CSMD1: variants seen among roughly 807,000 people sequenced by gnomAD.
CSMD1 encodes CUB and Sushi multiple domains 1, also known as CUB and sushi domain-containing protein 1.
In CSMD1, 213 loss-of-function variants were observed where a neutral mutation model predicts 417.5. That is an observed-to-expected ratio of 0.51 (90% CI 0.46 to 0.57). CSMD1 has a LOEUF of 0.57. CSMD1 is among the 20% of genes least tolerant of loss of function. The pLI, the probability that CSMD1 is intolerant of heterozygous loss-of-function variation, is 0.00. For missense variants in CSMD1, 6,923 were observed against 4,529.7 expected (o/e 1.53, Z -15.17); for synonymous variants, 2,862 against 1,736.8 (o/e 1.65, Z -16.11).
intron 30 of CSMD1, among the ~76,000 whole-genome samples, chr8:3,213,857 C>CAT (rs34087160): frequency 0.21 from 31,041 of 145,752 alleles, 3,295 homozygotes; most frequent in South Asian, 0.32. Context: ...TATACATACA[C>CAT]ATATATATAT....
chr8:4,625,697 G>A (rs898373889), intron 2 of CSMD1, among the ~76,000 whole-genome samples: 8 of 151,950 alleles, frequency 5.3e-5, no homozygotes, highest in African/African-American at 1.2e-4. Context: ...AATGATTATC[G>A]TATCCGTAAC....
Position 3,107,731 on chromosome 8 carries a change from A to T in CSMD1, c.6822T>A (p.Asp2274Glu). Residue 2274 changes from aspartate to glutamate, a missense_variant, in exon 45 of 70, where the codon GAT becomes GAA. Transcript: ENST00000635120. ...VPQAEMLTED[D>E]DFEIGDFVKY... ...AGAAAGTATTACCTATTTCGAAATCATCATCCTCAGTAAGCATTTCTGCCT... is the reference window on the plus strand; with the variant it reads ...AGAAAGTATTACCTATTTCGAAATCTTCATCCTCAGTAAGCATTTCTGCCT... The T allele has an allele frequency of 6.3e-7, 1 of 1,588,356 alleles. No homozygotes were observed. Among genetic ancestry groups the T allele is most frequent in the Non-Finnish European group, 8.6e-7 (1 of 1,167,662 alleles).
intron 5 of CSMD1, among the ~76,000 whole-genome samples, chr8:3,776,372 G>A (rs140439703): frequency 8.5e-5 from 13 of 152,176 alleles, no homozygotes; most frequent in Non-Finnish European, 5.9e-5. Flanking sequence ...CTCACTGAGA[G>A]TAAAGCCAGA....
intron 18 of CSMD1, among the ~76,000 whole-genome samples, chr8:3,374,284 C>G (rs887855390): frequency 6.6e-6 from 1 of 152,030 alleles, no homozygotes; most frequent in African/African-American, 2.4e-5. Flanking sequence ...CAAGTTCTGT[C>G]TTTTGTCCTC....
chr8:3,622,856 T>G (rs961670379), intron 7 of CSMD1, among the ~76,000 whole-genome samples: 10 of 152,340 alleles, frequency 6.6e-5, no homozygotes, highest in Admixed American at 5.9e-4. Context: ...GAAAGAATCA[T>G]GGAGATGAAA....
intron 5 of CSMD1, among the ~76,000 whole-genome samples, chr8:3,927,441 T>G (rs899761644): frequency 1.7e-4 from 26 of 151,978 alleles, no homozygotes; most frequent in African/African-American, 6.0e-4. Flanking sequence ...CCGAGGCAGG[T>G]GGATCACAAG....
chr8:3,892,350 G>T (rs766188192), intron 5 of CSMD1, among the ~76,000 whole-genome samples: 1 of 152,072 alleles, frequency 6.6e-6, no homozygotes, highest in Admixed American at 6.6e-5. Flanking sequence ...TCAAGAAGAC[G>T]TGTGGGGAAC....
chr8:4,702,586 A>T (rs1238945789), intron 1 of CSMD1, among the ~76,000 whole-genome samples: 1 of 152,234 alleles, frequency 6.6e-6, no homozygotes. Flanking sequence ...GTAGGAGAAC[A>T]CACTGCCCTT....
chr8:4,890,706 T>C lies in CSMD1; in HGVS notation c.85+103626A>G, dbSNP rs916620596. 5.9e-5 allele frequency among the ~76,000 whole-genome samples: 9 copies of C among 152,182 alleles called. 1 individual carries two copies. Among genetic ancestry groups the C allele is most frequent in the African/African-American group, 2.2e-4 (9 of 41,424 alleles). On this transcript the variant is annotated intron_variant, in intron 1 of 69. Transcript: ENST00000635120. ...TCCCCTGCTTTGGTTTTGTTCTGCATGTTATTAGGTCGCTGCAAAAGTAAT... is the reference window on the plus strand; with the variant it reads ...TCCCCTGCTTTGGTTTTGTTCTGCACGTTATTAGGTCGCTGCAAAAGTAAT...
At chr8:4,235,759 C>G (rs1365261082) in intron 3 of CSMD1, among the ~76,000 whole-genome samples, 2 of 152,048 alleles carry the variant, frequency 1.3e-5, no homozygotes, top group Admixed American at 6.6e-5. Flanking sequence ...AAATGTGTCC[C>G]CCATCTGGAC....
intron 3 of CSMD1, among the ~76,000 whole-genome samples, chr8:4,255,348 C>T (rs1467102385): frequency 6.6e-6 from 1 of 152,168 alleles, no homozygotes; most frequent in Non-Finnish European, 1.5e-5. Flanking sequence ...AGTCATTGTT[C>T]TTGAGCCCAG....
At chr8:3,405,961 G>C (rs1812319191) in intron 15 of CSMD1, 66 bp downstream of exon 15, 2 of 1,479,046 alleles carry the variant, frequency 1.4e-6, no homozygotes, top group African/African-American at 1.4e-5. Flanking sequence ...TTGTTGGTTT[G>C]TGTGTGTGCC....
chr8:4,912,122 CAA>C (rs36194482), intron 1 of CSMD1, among the ~76,000 whole-genome samples: 14,378 of 84,452 alleles, frequency 0.17, 915 homozygotes, highest in South Asian at 0.36. Context: ...AACATAGCTT[CAA>C]AAAAAAAAAA....
intron 26 of CSMD1, among the ~76,000 whole-genome samples, chr8:3,283,643 C>T (rs570180205): frequency 6.6e-6 from 1 of 152,072 alleles, no homozygotes; most frequent in Admixed American, 6.6e-5. Flanking sequence ...TAGAATAATT[C>T]TCTGGCCTTC....
intron 5 of CSMD1, among the ~76,000 whole-genome samples, chr8:3,941,249 A>C (rs1810862990): frequency 6.6e-6 from 1 of 152,194 alleles, no homozygotes; most frequent in Non-Finnish European, 1.5e-5. Context: ...TTAAACATTT[A>C]GCTGAAACCT....
intron 5 of CSMD1, among the ~76,000 whole-genome samples, chr8:3,802,985 T>C (rs928980989): frequency 2.0e-5 from 3 of 152,138 alleles, no homozygotes; most frequent in African/African-American, 4.8e-5. Flanking sequence ...TGTTGTAGGG[T>C]GAAATATTTA....
intron 18 of CSMD1, among the ~76,000 whole-genome samples, chr8:3,384,211 A>G (rs547720572): frequency 2.0e-5 from 3 of 152,282 alleles, no homozygotes; most frequent in Admixed American, 2.0e-4. Flanking sequence ...TCTTTAAAAA[A>G]TGGTTGTCTG....
chr8:4,627,711 C>A (rs1270861720), intron 2 of CSMD1, among the ~76,000 whole-genome samples: 2 of 151,998 alleles, frequency 1.3e-5, no homozygotes, highest in Non-Finnish European at 2.9e-5. Flanking sequence ...TCTGCCCCGC[C>A]AAAAAAATAA....
At chr8:3,369,194 T>G in intron 19 of CSMD1, 60 bp downstream of exon 19, 1 of 801,778 alleles carries the variant, frequency 1.2e-6, no homozygotes, top group Non-Finnish European at 2.1e-6. Context: ...TTTTGTTTTG[T>G]TCCCGTTTTT....
Sources: allele counts gnomAD v4.1 joint callset (sites outside exome capture counted in the v4.1 genomes callset), GRCh38; gene constraint gnomAD v4.1.1; transcripts MANE v1.5; gene names NCBI Gene and HGNC (gene_info 2026-07-23, HGNC 2026-07-21).